Variants in NFATC2 observed in about 807,000 individuals in gnomAD.
The protein encoded by NFATC2 is nuclear factor of activated T-cells, cytoplasmic 2.
In NFATC2, 22 loss-of-function variants were observed where a neutral mutation model predicts 87.3. The observed-to-expected ratio is 0.25, with a 90% confidence interval of 0.18 to 0.36. The LOEUF (loss-of-function observed/expected upper bound fraction) is 0.36. Among genes scored for constraint, NFATC2 ranks in the 10% least tolerant of loss-of-function variants. NFATC2 has a pLI of 1.00. For missense variants in NFATC2, 1,149 were observed against 1,259.1 expected (o/e 0.91, Z 1.32); for synonymous variants, 565 against 542.2 (o/e 1.04, Z -0.58).
chr20:51,547,111 C>T (rs2076895673), upstream of NFATC2, among the ~76,000 whole-genome samples: 1 of 152,100 alleles, frequency 6.6e-6, no homozygotes, highest in African/African-American at 2.4e-5. Flanking sequence ...ATGACAGAAT[C>T]ATAGACGAGT....
At chr20:51,395,251 C>T (rs1476324972) in intron 10 of NFATC2, among the ~76,000 whole-genome samples, 1 of 152,104 alleles carries the variant, frequency 6.6e-6, no homozygotes, top group Non-Finnish European at 1.5e-5. Flanking sequence ...TAGAGACAGG[C>T]AGACCAATAC....
intron 10 of NFATC2, among the ~76,000 whole-genome samples, chr20:51,395,055 T>A (rs1483471959): frequency 6.6e-6 from 1 of 152,226 alleles, no homozygotes; most frequent in Non-Finnish European, 1.5e-5. Context: ...AAGCTGATTT[T>A]CATGCGATTG....
At chr20:51,485,999 C>G (rs1048382033) in intron 3 of NFATC2, among the ~76,000 whole-genome samples, 3 of 151,940 alleles carry the variant, frequency 2.0e-5, no homozygotes, top group African/African-American at 7.3e-5. Context: ...TTCTTTGAGG[C>G]CAGGAGCTCA....
chr20:51,529,239 G>A (rs764584857), intron 1 of NFATC2, among the ~76,000 whole-genome samples: 1 of 152,230 alleles, frequency 6.6e-6, no homozygotes, highest in Non-Finnish European at 1.5e-5. Context: ...CCACAGAAAC[G>A]CAGTCCTGAA....
chr20:51,466,945 G>A (rs1433472914), intron 5 of NFATC2, among the ~76,000 whole-genome samples: 5 of 151,678 alleles, frequency 3.3e-5, no homozygotes, highest in Non-Finnish European at 7.4e-5. Flanking sequence ...GGTGGCAGTC[G>A]CCTGTAATCC....
At chr20:51,396,093 T>TAA (rs1987090679) in intron 10 of NFATC2, among the ~76,000 whole-genome samples, 2 of 129,398 alleles carry the variant, frequency 1.5e-5, no homozygotes, top group Non-Finnish European at 3.3e-5. Context: ...TATATATATA[T>TAA]AAGCTAATGG....
intron 3 of NFATC2, among the ~76,000 whole-genome samples, chr20:51,511,162 G>C (rs1433447512): frequency 6.6e-6 from 1 of 152,214 alleles, no homozygotes; most frequent in Non-Finnish European, 1.5e-5. Context: ...CCTGAGGCAA[G>C]ACTCACATGC....
In NFATC2 at chr20:51,391,460, G is replaced by GA; in HGVS notation, c.*45-10dup. The stretch of plus-strand genomic sequence containing the variant: ...CCTGATAATTTCATTAACTACAAAA[G>GA]AAAAGAGGAGGGGGGGGGAGAGAGA... On this transcript the variant is annotated splice_polypyrimidine_tract_variant and intron_variant, in intron 10 of 10. Transcript: ENST00000371564. 1.5e-6 allele frequency: 1 copy of GA among 681,622 alleles called. No homozygotes were observed. The highest frequency in any genetic ancestry group is 2.2e-5 in the Admixed American group (1 of 45,964). The allele number at this position is 681,622 out of a possible 1,614,324, so 42.2% of individuals were successfully genotyped here. A position where few individuals can be genotyped will look rare whatever the true frequency, so the allele number is the denominator to read the frequency against.
chr20:51,452,340 C>G (rs1985904002), intron 6 of NFATC2, among the ~76,000 whole-genome samples: 2 of 152,162 alleles, frequency 1.3e-5, no homozygotes, highest in Non-Finnish European at 2.9e-5. Context: ...GCTGTGACAG[C>G]TCCTCCTCTG....
At chr20:51,451,422 A>C (rs1985757678) in intron 6 of NFATC2, among the ~76,000 whole-genome samples, 1 of 152,218 alleles carries the variant, frequency 6.6e-6, no homozygotes, top group Non-Finnish European at 1.5e-5. Flanking sequence ...TTTGGTTGTC[A>C]CAACTTGGGC....
intron 3 of NFATC2, among the ~76,000 whole-genome samples, chr20:51,490,992 G>A (rs1020068300): frequency 6.6e-6 from 1 of 152,160 alleles, no homozygotes; most frequent in Non-Finnish European, 1.5e-5. Context: ...GGATGATTAA[G>A]AAAACCACCC....
At chr20:51,505,746 C>T (rs918328283) in intron 3 of NFATC2, among the ~76,000 whole-genome samples, 1 of 152,030 alleles carries the variant, frequency 6.6e-6, no homozygotes, top group African/African-American at 2.4e-5. Flanking sequence ...GGCTGGGTGT[C>T]GTTGTCGTGG....
intron 1 of NFATC2, among the ~76,000 whole-genome samples, chr20:51,549,921 G>A (rs2076919076): frequency 6.6e-6 from 1 of 152,202 alleles, no homozygotes. Flanking sequence ...AACAAGAGGC[G>A]ATGCATTTTC....
chr20:51,536,898 A>AC (rs2076729804), intron 1 of NFATC2, among the ~76,000 whole-genome samples: 1 of 149,682 alleles, frequency 6.7e-6, no homozygotes, highest in Non-Finnish European at 1.5e-5. Context: ...GCAAGCACCA[A>AC]ACACACACAC....
At chr20:51,394,688 G>C (rs1986801484) in intron 10 of NFATC2, among the ~76,000 whole-genome samples, 1 of 141,850 alleles carries the variant, frequency 7.0e-6, no homozygotes, top group African/African-American at 3.1e-5. Flanking sequence ...AAGGGATTGG[G>C]AAACTTCAGG....
intron 9 of NFATC2, among the ~76,000 whole-genome samples, chr20:51,400,826 G>A (rs147830879): frequency 1.9e-4 from 29 of 152,046 alleles, no homozygotes; most frequent in Admixed American, 7.8e-4. Context: ...AAGATGGGGC[G>A]ACTTGTCCAG....
chr20:51,493,322 C>T (rs1355424551), intron 3 of NFATC2, among the ~76,000 whole-genome samples: 1 of 152,190 alleles, frequency 6.6e-6, no homozygotes, highest in Non-Finnish European at 1.5e-5. Context: ...ATAGTAAGCG[C>T]TCAGTAAACG....
At chr20:51,539,640 G>A (rs191569898) in intron 1 of NFATC2, among the ~76,000 whole-genome samples, 25 of 152,252 alleles carry the variant, frequency 1.6e-4, no homozygotes, top group African/African-American at 3.6e-4. Context: ...ACAGGCATGC[G>A]CAACTAGGCT....
chr20:51,528,040 C>T (rs1010941609), intron 1 of NFATC2, among the ~76,000 whole-genome samples: 3 of 146,948 alleles, frequency 2.0e-5, no homozygotes. Flanking sequence ...GAGCCATGAT[C>T]GTACCACCAC....
Sources: gnomAD v4.1 joint callset for allele counts (sites outside exome capture counted in the v4.1 genomes callset) on GRCh38, gnomAD v4.1.1 for gene constraint, MANE v1.5 for transcripts, NCBI Gene and HGNC (gene_info 2026-07-23, HGNC 2026-07-21) for gene names.